Variants in MNAT1 observed in about 807,000 individuals in gnomAD.
MNAT1 encodes MNAT1 component of CDK activating kinase, also known as CDK-activating kinase assembly factor MAT1.
Under a neutral mutation model 42.0 loss-of-function variants are expected in MNAT1, and 43 were observed. That is an observed-to-expected ratio of 1.02 (90% CI 0.80 to 1.32). The LOEUF (loss-of-function observed/expected upper bound fraction) is 1.32, where lower values mean the gene tolerates loss of function less well. Ranked by LOEUF, MNAT1 falls within the 40% of genes most tolerant of loss-of-function variation. The pLI, the probability that MNAT1 is intolerant of heterozygous loss-of-function variation, is 0.00. For missense variants in MNAT1, 306 were observed against 350.4 expected (o/e 0.87, Z 1.01); for synonymous variants, 118 against 120.0 (o/e 0.98, Z 0.11).
At chr14:60,796,741 A>G (rs2032030620) in intron 2 of MNAT1, among the ~76,000 whole-genome samples, 1 of 152,176 alleles carries the variant, frequency 6.6e-6, no homozygotes, top group African/African-American at 2.4e-5. Flanking sequence ...ATACAGTAGC[A>G]TAGGATAGCA....
intron 7 of MNAT1, among the ~76,000 whole-genome samples, chr14:60,891,790 A>G (rs757428062): frequency 5.3e-5 from 8 of 152,100 alleles, no homozygotes; most frequent in Non-Finnish European, 7.4e-5. Flanking sequence ...ACTCATAGCT[A>G]TAAATTTTCC....
chr14:60,765,328 C>A lies in MNAT1; in HGVS notation c.89+30377C>A, dbSNP rs187093625. 1.1e-4 allele frequency among the ~76,000 whole-genome samples: 16 copies of A among 152,156 alleles called. No homozygotes were observed. The East Asian group carries it at 3.1e-3, about 29-fold the overall frequency. On this transcript the variant is annotated intron_variant, in intron 1 of 7. Transcript: ENST00000261245. ...ATAAGTGGGAGTTGAATAATGAGAA[C>A]ACATGGACACAGGGAGGGAAACATC...
intron 7 of MNAT1, among the ~76,000 whole-genome samples, chr14:60,918,583 TA>T (rs1225457431): frequency 1.1e-4 from 16 of 151,884 alleles, no homozygotes; most frequent in Admixed American, 5.2e-4. Context: ...TTTATACACT[TA>T]AAAAATGTAT....
At chr14:60,786,144 CA>C (rs996799803) in intron 1 of MNAT1, among the ~76,000 whole-genome samples, 55 of 151,726 alleles carry the variant, frequency 3.6e-4, no homozygotes, top group Admixed American at 1.3e-3. Flanking sequence ...GGAAAACACA[CA>C]AAAAATTGTG....
intron 6 of MNAT1, among the ~76,000 whole-genome samples, chr14:60,875,842 C>A (rs1025764410): frequency 6.6e-6 from 1 of 152,082 alleles, no homozygotes. Context: ...TAAGTATTAT[C>A]TTCCTTGGAA....
At position 60,782,366 on chromosome 14, in the gene MNAT1, C is replaced by T. The variant is rs555049572; in HGVS notation, c.90-13851C>T. Among the ~76,000 whole-genome samples the T allele has an allele frequency of 2.8e-4, 42 of 152,076 alleles. 1 individual carries two copies. The highest frequency in any genetic ancestry group is 8.9e-4 in the African/African-American group (37 of 41,500). On this transcript the variant is annotated intron_variant, in intron 1 of 7. Coordinates refer to ENST00000261245, the MANE Select transcript of MNAT1 (RefSeq NM_002431.4). The stretch of plus-strand genomic sequence containing the variant: ...GGACTGTTTTTATTTTTTGTCAAAA[C>T]GTTGTGTTTATTGTTCCATGTATAC...
intron 7 of MNAT1, among the ~76,000 whole-genome samples, chr14:60,915,128 C>G (rs761610301): frequency 1.3e-5 from 2 of 152,062 alleles, no homozygotes; most frequent in Non-Finnish European, 2.9e-5. Context: ...CTCAGTGTAA[C>G]TTTTTTTACT....
chr14:60,734,806 T>C lies in MNAT1; in HGVS notation c.-57T>C, dbSNP rs553420795. The C allele has an allele frequency of 9.7e-6, 15 of 1,543,792 alleles. No homozygotes were observed. In the East Asian group the frequency reaches 2.0e-4, roughly 21 times the overall value. On this transcript the variant is annotated 5_prime_UTR_variant, in exon 1 of 8. Transcript: ENST00000261245. This position sits in a 1 kb window ranked among gnomAD's most constrained non-coding sequence, Gnocchi z 4.3. The stretch of plus-strand genomic sequence containing the variant: ...CTGCTTGGTCGCGTCTGAGGGGGCT[T>C]GTAGGTGGCTCTGGCTGAAACAGGC...
At chr14:60,952,897 A>G (rs571585748) in intron 7 of MNAT1, among the ~76,000 whole-genome samples, 1 of 152,228 alleles carries the variant, frequency 6.6e-6, no homozygotes, top group South Asian at 2.1e-4. Context: ...GAAATAGAAA[A>G]AGAGAATTGT....
chr14:60,846,426 C>G (rs1004610097), intron 6 of MNAT1, among the ~76,000 whole-genome samples: 1 of 151,826 alleles, frequency 6.6e-6, no homozygotes, highest in African/African-American at 2.4e-5. Context: ...TCATTGATCT[C>G]CATTCTAATA....
At chr14:60,962,252 T>C (rs988120984) in intron 7 of MNAT1, among the ~76,000 whole-genome samples, 2 of 152,188 alleles carry the variant, frequency 1.3e-5, no homozygotes, top group Admixed American at 1.3e-4. Context: ...TATTAATCTC[T>C]TGTGGAAATA....
intron 7 of MNAT1, among the ~76,000 whole-genome samples, chr14:60,919,043 C>T (rs145572836): frequency 1.5e-3 from 231 of 151,468 alleles, no homozygotes; most frequent in South Asian, 9.7e-3. Flanking sequence ...GGGTTGGAGG[C>T]TGAATGCTAC....
At chr14:60,881,737 G>A (rs2034556114) in intron 7 of MNAT1, among the ~76,000 whole-genome samples, 1 of 151,962 alleles carries the variant, frequency 6.6e-6, no homozygotes, top group African/African-American at 2.4e-5. Context: ...ATCACATTAA[G>A]GTAGATGGTA....
In MNAT1 at chr14:60,780,068, AT is replaced by A. The variant is rs2031402353; in HGVS notation, c.90-16145del. On this transcript the variant is annotated intron_variant, in intron 1 of 7. Transcript: ENST00000261245. The stretch of plus-strand genomic sequence containing the variant: ...GTTCTTCTCATTCGGCATCAACAGC[AT>A]TTTATATCAGCGTGGCATTTATCCA... 6 of 1,474,274 alleles carry A rather than the reference AT, an allele frequency of 4.1e-6. No individual in the cohort carries two copies. In the East Asian group the frequency reaches 1.4e-4, roughly 33 times the overall value. 91.3% of individuals were successfully genotyped at this position (1,474,274 alleles called of 1,614,324 possible). A position where few individuals can be genotyped will look rare whatever the true frequency, so the allele number is the denominator to read the frequency against.
intron 7 of MNAT1, among the ~76,000 whole-genome samples, chr14:60,889,848 A>C (rs2034791301): frequency 6.6e-6 from 1 of 152,240 alleles, no homozygotes; most frequent in Non-Finnish European, 1.5e-5. Flanking sequence ...ACACATGAAA[A>C]AATGCTCACC....
At chr14:60,763,790 C>A (rs1473723463) in intron 1 of MNAT1, among the ~76,000 whole-genome samples, 1 of 152,140 alleles carries the variant, frequency 6.6e-6, no homozygotes, top group Non-Finnish European at 1.5e-5. Context: ...CCATATTAAT[C>A]CACCTGGCGG....
chr14:60,903,512 T>A (rs1317586548), intron 7 of MNAT1, among the ~76,000 whole-genome samples: 1 of 152,200 alleles, frequency 6.6e-6, no homozygotes, highest in Non-Finnish European at 1.5e-5. Flanking sequence ...TATGAAAGCA[T>A]AATTCACATA....
intron 7 of MNAT1, among the ~76,000 whole-genome samples, chr14:60,961,586 T>C (rs935453181): frequency 2.0e-5 from 3 of 152,218 alleles, no homozygotes; most frequent in African/African-American, 7.2e-5. Flanking sequence ...TCTCTTTTTA[T>C]CCACATTCAT....
chr14:60,763,344 G>A (rs754253614), intron 1 of MNAT1, among the ~76,000 whole-genome samples: 3 of 152,072 alleles, frequency 2.0e-5, no homozygotes, highest in Admixed American at 6.5e-5. Flanking sequence ...AAGTGGAGTG[G>A]TTTATTATTT....
Sources: allele counts gnomAD v4.1 joint callset (sites outside exome capture counted in the v4.1 genomes callset), GRCh38; gene constraint gnomAD v4.1.1; non-coding constraint Gnocchi (gnomAD v3.1); transcripts MANE v1.5; gene names NCBI Gene and HGNC (gene_info 2026-07-23, HGNC 2026-07-21).